Variants in PSMD7 observed in about 807,000 individuals in gnomAD.
The protein encoded by PSMD7 is proteasome 26S subunit, non-ATPase 7, also known as 26S proteasome non-ATPase regulatory subunit 7.
PSMD7 carries 13 observed loss-of-function variants against 36.4 expected under a neutral mutation model. The observed-to-expected ratio is 0.36, with a 90% CI of 0.23 to 0.57. The LOEUF (loss-of-function observed/expected upper bound fraction) is 0.57, where lower values mean the gene tolerates loss of function less well. Among genes scored for constraint, PSMD7 ranks in the 20% least tolerant of loss-of-function variants. PSMD7 has a pLI of 0.83. For missense variants in PSMD7, 298 were observed against 393.6 expected, an observed-to-expected ratio of 0.76 and a Z score of 2.06; for synonymous variants, 186 against 151.0, an observed-to-expected ratio of 1.23 and a Z score of -1.70.
chr16:74,299,469 T>A (rs907377308), intron 1 of PSMD7: 2 of 413,216 alleles, frequency 4.8e-6, no homozygotes, highest in Non-Finnish European at 1.0e-5. Context: ...AAACTCGACC[T>A]TCTGAGCTCA....
At position 74,305,274 on chromosome 16, in the gene PSMD7, T is replaced by C; in HGVS notation, c.531-15T>C. The stretch of plus-strand genomic sequence containing the variant: ...GATGCCTTTTCCTGCCCTTTTTAAC[T>C]GTGGGTTATTACAGAGATATCAAAG... On this transcript the variant is annotated splice_polypyrimidine_tract_variant and intron_variant, in intron 6 of 6. Coordinates refer to ENST00000219313, the MANE Select transcript of PSMD7 (RefSeq NM_002811.5). 8.8e-6 allele frequency: 14 copies of C among 1,591,622 alleles called. No homozygotes were observed. Among genetic ancestry groups the C allele is most frequent in the Non-Finnish European group, 1.2e-5 (14 of 1,166,560 alleles).
At chr16:74,297,128 C>A in intron 1 of PSMD7, 140 bp downstream of exon 1, 1 of 875,302 alleles carries the variant, frequency 1.1e-6, no homozygotes, top group Non-Finnish European at 1.8e-6. Flanking sequence ...CGAGTCCAGA[C>A]CAGCGTCGGC....
chr16:74,305,607 G>T lies in PSMD7; in HGVS notation c.849G>T (p.Arg283=). The T allele has an allele frequency of 6.3e-7, 1 of 1,599,556 alleles. No individual in the cohort carries two copies. Among genetic ancestry groups the T allele is most frequent in the East Asian group, 2.2e-5 (1 of 44,492 alleles). The part of the protein sequence containing the change: ...HNLINNKIAN[R]DAEKKEGQEK... ...TCATCAACAACAAGATTGCCAACCG[G>T]GATGCAGAGAAGAAAGAAGGGCAGG... is the stretch of plus-strand genomic sequence containing the variant. The change falls in exon 7 of 7, where the codon CGG becomes CGT. Residue 283 remains arginine (R), a synonymous_variant. Coordinates refer to ENST00000219313, the MANE Select transcript of PSMD7 (RefSeq NM_002811.5).
intron 5 of PSMD7, chr16:74,304,074 C>G (rs1475626913): frequency 2.5e-6 from 1 of 402,948 alleles, no homozygotes; most frequent in Non-Finnish European, 4.6e-6. Flanking sequence ...CCAGATTTTT[C>G]TCAACGCACA....
chr16:74,301,534 G>C, intron 3 of PSMD7, 21 bp from the exon 4 acceptor site: 1 of 1,545,274 alleles, frequency 6.5e-7, no homozygotes, highest in Non-Finnish European at 8.9e-7. Flanking sequence ...GTTAAAGCCT[G>C]CTAATTTTTT....
chr16:74,303,330 T>C (rs1485755405), intron 5 of PSMD7, among the ~76,000 whole-genome samples: 2 of 152,212 alleles, frequency 1.3e-5, no homozygotes, highest in Admixed American at 1.3e-4. Context: ...CCCAAGGTCT[T>C]GGAGCTCGCC....
At chr16:74,302,799 T>C (rs1279610910) in intron 5 of PSMD7, among the ~76,000 whole-genome samples, 1 of 152,230 alleles carries the variant, frequency 6.6e-6, no homozygotes, top group African/African-American at 2.4e-5. Flanking sequence ...AAGGGATGAA[T>C]TACGGTCTCC....
rs766053299 is a variant in PSMD7 at position 74,296,897 on chromosome 16, C to T, written c.-18C>T. 8 of 1,612,242 alleles carry T rather than the reference C, an allele frequency of 5.0e-6. No homozygotes were observed. The highest frequency in any genetic ancestry group is 1.3e-5 in the African/African-American group (1 of 74,922). On this transcript the variant is annotated 5_prime_UTR_variant, in exon 1 of 7. Transcript: ENST00000219313. ...GCGTGTGGCAGGGAGCCAGGCCTGGCGAGCGGGGTGTGTCGCGATGCCGGA... is the reference window on the plus strand; with the variant it reads ...GCGTGTGGCAGGGAGCCAGGCCTGGTGAGCGGGGTGTGTCGCGATGCCGGA...
At chr16:74,301,898 C>T (rs2034157953) in intron 4 of PSMD7, among the ~76,000 whole-genome samples, 2 of 152,046 alleles carry the variant, frequency 1.3e-5, no homozygotes, top group African/African-American at 4.8e-5. Context: ...ATCCTCTTTA[C>T]AAATGAGAAA....
chr16:74,301,979 C>T (rs2034159487), intron 4 of PSMD7, among the ~76,000 whole-genome samples: 1 of 152,118 alleles, frequency 6.6e-6, no homozygotes, highest in Non-Finnish European at 1.5e-5. Flanking sequence ...GCTGTGTTGA[C>T]TCTAATGTCC....
intron 1 of PSMD7, 115 bp downstream of exon 1, chr16:74,297,103 A>G (rs2034119386): frequency 8.8e-7 from 1 of 1,138,038 alleles, no homozygotes; most frequent in Admixed American, 2.0e-5. Context: ...GCGGCTGGTG[A>G]CCCTTACTTG....
chr16:74,303,357 G>C (rs1597119446), intron 5 of PSMD7, among the ~76,000 whole-genome samples: 1 of 152,204 alleles, frequency 6.6e-6, no homozygotes, highest in African/African-American at 2.4e-5. Flanking sequence ...ATACATGGCA[G>C]AGCCAAATTT....
Position 74,305,700 on chromosome 16 carries a change from T to C in PSMD7, c.942T>C (p.Asp314=). The change falls in exon 7 of 7, where the codon GAT becomes GAC. Residue 314 remains aspartate (D), a synonymous_variant. Transcript: ENST00000219313. Reference sequence around the variant, plus strand: ...AAGATAAAGATAAGGAAAAGAGTGATGTAAAGAAAGAGGAGAAAAAGGAGA... The same window carrying C: ...AAGATAAAGATAAGGAAAAGAGTGACGTAAAGAAAGAGGAGAAAAAGGAGA... ...KEKDKDKEKS[D]VKKEEKKEKK 1.4e-6 allele frequency: 2 copies of C among 1,468,850 alleles called. No individual in the cohort carries two copies. Among genetic ancestry groups the C allele is most frequent in the Non-Finnish European group, 1.8e-6 (2 of 1,105,878 alleles). The allele number at this position is 1,468,850 out of a possible 1,614,324, so 91.0% of individuals were successfully genotyped here.
At chr16:74,300,883 T>C (rs527730798) in intron 2 of PSMD7, among the ~76,000 whole-genome samples, 169 bp from the exon 3 acceptor site, 1 of 152,320 alleles carries the variant, frequency 6.6e-6, no homozygotes, top group South Asian at 2.1e-4. Context: ...GTCTGGATTT[T>C]TATGTGAATT....
intron 2 of PSMD7, among the ~76,000 whole-genome samples, chr16:74,300,676 G>A (rs557055058): frequency 1.1e-4 from 17 of 152,218 alleles, no homozygotes; most frequent in African/African-American, 4.1e-4. Context: ...GATACTGGAT[G>A]ACCTCTGGAG....
Position 74,303,305 on chromosome 16 carries a change from G to C in PSMD7, c.439-998G>C, listed in dbSNP as rs138062731. ...GGCTAACTTTTATAGTACTTAGTGTGAGTTGAGTGACTTTCCCAAGGTCTT... is the reference window on the plus strand; with the variant it reads ...GGCTAACTTTTATAGTACTTAGTGTCAGTTGAGTGACTTTCCCAAGGTCTT... On this transcript the variant is annotated intron_variant, in intron 5 of 6. Coordinates refer to ENST00000219313, the MANE Select transcript of PSMD7 (RefSeq NM_002811.5). Among the ~76,000 whole-genome samples the C allele has an allele frequency of 3.9e-5, 6 of 152,306 alleles. No individual in the cohort carries two copies. In the East Asian group the frequency reaches 1.2e-3, roughly 29 times the overall value.
intron 5 of PSMD7, 185 bp from the exon 6 acceptor site, chr16:74,304,118 A>G: frequency 1.8e-6 from 1 of 560,524 alleles, no homozygotes; most frequent in Non-Finnish European, 3.3e-6. Context: ...GAGCAGCACC[A>G]CAGTGATGTT....
At position 74,296,893 on chromosome 16, in the gene PSMD7, C is replaced by G. The variant is rs377009439; in HGVS notation, c.-22C>G. 1.2e-6 allele frequency: 2 copies of G among 1,612,116 alleles called. No homozygotes were observed. Among genetic ancestry groups the G allele is most frequent in the African/African-American group, 1.3e-5 (1 of 74,932 alleles). The stretch of plus-strand genomic sequence containing the variant: ...GTTTGCGTGTGGCAGGGAGCCAGGC[C>G]TGGCGAGCGGGGTGTGTCGCGATGC... On this transcript the variant is annotated 5_prime_UTR_variant, in exon 1 of 7. Transcript: ENST00000219313.
chr16:74,296,918 C>G lies in PSMD7; in HGVS notation c.4C>G (p.Pro2Ala). The change falls in exon 1 of 7, where the codon CCG becomes GCG. Residue 2 changes from proline (P) to alanine (A), a missense_variant. Pro to Ala is a conservative substitution (Grantham distance 27). Transcript: ENST00000219313. The stretch of plus-strand genomic sequence containing the variant: ...CTGGCGAGCGGGGTGTGTCGCGATG[C>G]CGGAGCTGGCAGTGCAGAAGGTGGT... MPELAVQKVVVH... is the reference protein window; with the variant it reads MAELAVQKVVVH... 6.2e-7 allele frequency: 1 copy of G among 1,613,280 alleles called. No homozygotes were observed. The highest frequency in any genetic ancestry group is 8.5e-7 in the Non-Finnish European group (1 of 1,179,792).
Sources: allele counts gnomAD v4.1 joint callset (sites outside exome capture counted in the v4.1 genomes callset), GRCh38; gene constraint gnomAD v4.1.1; transcripts MANE v1.5; gene names NCBI Gene and HGNC (gene_info 2026-07-23, HGNC 2026-07-21).